ADGRB3: variants seen among roughly 807,000 people sequenced by gnomAD.
The protein encoded by ADGRB3 is brain-specific angiogenesis inhibitor 3.
In ADGRB3, 37 loss-of-function variants were observed where a neutral mutation model predicts 193.4. That is an observed-to-expected ratio of 0.19 (90% confidence interval 0.15 to 0.25). The LOEUF is 0.25. Ranked by LOEUF, ADGRB3 falls within the 10% of genes least tolerant of loss-of-function variation. ADGRB3 has a pLI of 1.00. For missense variants in ADGRB3, 1,637 were observed against 1,852.9 expected (o/e 0.88, Z 2.14); for synonymous variants, 690 against 644.2 (o/e 1.07, Z -1.08).
At chr6:69,288,704 C>T (rs970029867) in intron 20 of ADGRB3, among the ~76,000 whole-genome samples, 6 of 152,306 alleles carry the variant, frequency 3.9e-5, no homozygotes, top group Non-Finnish European at 7.4e-5. Flanking sequence ...ACTTCCTGGG[C>T]AGGTGTGTGG....
chr6:69,210,833 C>T (rs1054608643), intron 17 of ADGRB3, among the ~76,000 whole-genome samples: 24 of 151,970 alleles, frequency 1.6e-4, no homozygotes, highest in African/African-American at 4.6e-4. Context: ...ATAAGCAGAA[C>T]GGCCAGGCAT....
At chr6:69,357,224 A>T (rs1421664962) in intron 28 of ADGRB3, among the ~76,000 whole-genome samples, 1 of 152,064 alleles carries the variant, frequency 6.6e-6, no homozygotes, top group African/African-American at 2.4e-5. Flanking sequence ...TACTTGTATT[A>T]ATGATTTGCA....
chr6:68,689,657 TTTTG>T (rs992498729), intron 3 of ADGRB3, among the ~76,000 whole-genome samples: 18 of 152,170 alleles, frequency 1.2e-4, no homozygotes, highest in South Asian at 6.2e-4. Flanking sequence ...GTTTCTTCTG[TTTTG>T]TTTGTTTGTT....
At chr6:69,011,825 A>G (rs1248472142) in intron 11 of ADGRB3, among the ~76,000 whole-genome samples, 3 of 152,002 alleles carry the variant, frequency 2.0e-5, no homozygotes, top group African/African-American at 7.2e-5. Flanking sequence ...TGAGACATTC[A>G]GACTTAGCTC....
At chr6:69,352,267 C>T (rs1344806309) in intron 26 of ADGRB3, among the ~76,000 whole-genome samples, 2 of 152,166 alleles carry the variant, frequency 1.3e-5, no homozygotes, top group Admixed American at 6.5e-5. Flanking sequence ...AAAGCCTTCA[C>T]ATCTGAAAAA....
At chr6:69,294,495 C>T (rs1408877778) in intron 20 of ADGRB3, among the ~76,000 whole-genome samples, 1 of 152,090 alleles carries the variant, frequency 6.6e-6, no homozygotes, top group Non-Finnish European at 1.5e-5. Context: ...AATGCTGTCT[C>T]TTACCTAATA....
intron 17 of ADGRB3, among the ~76,000 whole-genome samples, chr6:69,117,044 C>G (rs574854455): frequency 2.6e-5 from 4 of 151,908 alleles, no homozygotes; most frequent in Non-Finnish European, 5.9e-5. Context: ...TGTCTTATTA[C>G]AAAAGTAATA....
At chr6:68,967,342 G>T (rs999914558) in intron 8 of ADGRB3, among the ~76,000 whole-genome samples, 3 of 152,176 alleles carry the variant, frequency 2.0e-5, no homozygotes, top group Non-Finnish European at 2.9e-5. Flanking sequence ...GAAAGATGTG[G>T]TTGGTCAAAG....
intron 3 of ADGRB3, among the ~76,000 whole-genome samples, chr6:68,688,546 G>T (rs543082575): frequency 1.2e-4 from 18 of 152,016 alleles, no homozygotes; most frequent in Non-Finnish European, 2.4e-4. Context: ...AATTACCCAC[G>T]GCCATTGTTT....
intron 10 of ADGRB3, among the ~76,000 whole-genome samples, chr6:68,983,428 T>C (rs764432518): frequency 1.1e-4 from 17 of 150,002 alleles, no homozygotes; most frequent in Non-Finnish European, 2.4e-4. Context: ...GTGAAACTTA[T>C]TTATAGGATA....
intron 20 of ADGRB3, among the ~76,000 whole-genome samples, chr6:69,292,927 T>A (rs1582610207): frequency 6.7e-6 from 1 of 148,324 alleles, no homozygotes; most frequent in Non-Finnish European, 1.5e-5. Context: ...TGTCCATGTG[T>A]TCTCAACCTC....
chr6:69,278,123 C>T (rs1767341761), intron 20 of ADGRB3, among the ~76,000 whole-genome samples: 1 of 152,102 alleles, frequency 6.6e-6, no homozygotes, highest in South Asian at 2.1e-4. Context: ...AATAATAGGG[C>T]TTTGAGATGC....
intron 29 of ADGRB3, among the ~76,000 whole-genome samples, chr6:69,365,767 C>T (rs1190108422): frequency 6.6e-6 from 1 of 151,990 alleles, no homozygotes; most frequent in Non-Finnish European, 1.5e-5. Context: ...ACCAGTTTTT[C>T]TCTGGACATG....
intron 17 of ADGRB3, among the ~76,000 whole-genome samples, chr6:69,081,541 G>T (rs1039266518): frequency 6.6e-6 from 1 of 151,844 alleles, no homozygotes; most frequent in Non-Finnish European, 1.5e-5. Flanking sequence ...GAAACTAAAT[G>T]AAACTTTTAC....
chr6:69,081,998 T>C (rs1469370736), intron 17 of ADGRB3, among the ~76,000 whole-genome samples: 1 of 152,142 alleles, frequency 6.6e-6, no homozygotes. Context: ...GTTTGCACAC[T>C]ACAACCTGTG....
chr6:68,677,008 T>C (rs1405336344), intron 3 of ADGRB3, among the ~76,000 whole-genome samples: 1 of 152,228 alleles, frequency 6.6e-6, no homozygotes. Context: ...TTCAATTGCA[T>C]TTTGCTGATT....
chr6:69,166,997 A>G (rs550375665), intron 17 of ADGRB3, among the ~76,000 whole-genome samples: 1 of 152,236 alleles, frequency 6.6e-6, no homozygotes, highest in East Asian at 1.9e-4. Flanking sequence ...TAATCTGATG[A>G]CATTTTGTTC....
chr6:69,033,265 T>A lies in ADGRB3; in HGVS notation c.2107+14766T>A, dbSNP rs140045619. 8.4e-3 allele frequency among the ~76,000 whole-genome samples: 1,286 copies of A among 152,262 alleles called. 23 individuals are homozygous for A. Among genetic ancestry groups the A allele is most frequent in the African/African-American group, 0.03 (1,228 of 41,552 alleles). ...GCATTTTGCTATCTTAAAAAGCTAT[T>A]CTTCTTTGTAGTTATTTGTCATTAG... On this transcript the variant is annotated intron_variant, in intron 13 of 31. Coordinates refer to ENST00000370598, the MANE Select transcript of ADGRB3 (RefSeq NM_001704.3).
intron 17 of ADGRB3, among the ~76,000 whole-genome samples, chr6:69,156,382 A>G (rs1774840820): frequency 1.3e-5 from 2 of 152,228 alleles, no homozygotes; most frequent in South Asian, 4.1e-4. Context: ...CTGAATGATG[A>G]GAAGGAGCCC....
Sources: gnomAD v4.1 joint callset for allele counts (sites outside exome capture counted in the v4.1 genomes callset) on GRCh38, gnomAD v4.1.1 for gene constraint, MANE v1.5 for transcripts, NCBI Gene and HGNC (gene_info 2026-07-23, HGNC 2026-07-21) for gene names.